ULK4: variants seen among roughly 807,000 people sequenced by gnomAD.
The protein encoded by ULK4 is inactive serine/threonine-protein kinase ULK4.
In ULK4, 133 loss-of-function variants were observed where a neutral mutation model predicts 160.6. That is an observed-to-expected ratio of 0.83 (90% CI 0.72 to 0.96). ULK4 has a LOEUF of 0.96. Ranked by LOEUF, ULK4 falls within the 40% of genes least tolerant of loss-of-function variation. The probability of loss-of-function intolerance (pLI) is 0.00; values close to 1 mark genes in which losing one functional copy is unlikely to be tolerated. For synonymous variants in ULK4, 534 were observed against 539.8 expected (o/e 0.99, Z 0.15); for missense variants, 1,580 against 1,499.5 (o/e 1.05, Z -0.89).
chr3:41,378,612 T>C (rs2081570949), intron 35 of ULK4, among the ~76,000 whole-genome samples: 1 of 149,510 alleles, frequency 6.7e-6, no homozygotes, highest in Non-Finnish European at 1.5e-5. Flanking sequence ...AAGGTGAACA[T>C]CATATACCGG....
chr3:41,273,244 T>C (rs991107354), intron 35 of ULK4, among the ~76,000 whole-genome samples: 2 of 152,210 alleles, frequency 1.3e-5, no homozygotes, highest in Non-Finnish European at 2.9e-5. Flanking sequence ...TCTGATTTTC[T>C]AGGCAAGTCT....
At chr3:41,716,216 AAATAATAATAAT>A (rs61340837) in intron 23 of ULK4, among the ~76,000 whole-genome samples, 4,867 of 139,232 alleles carry the variant, frequency 0.035, 266 homozygotes, top group African/African-American at 0.12. Flanking sequence ...CTGTCTCACA[AAATAATAATAAT>A]AATAATAATA....
chr3:41,616,670 A>G (rs2032983934), intron 30 of ULK4, among the ~76,000 whole-genome samples: 1 of 152,150 alleles, frequency 6.6e-6, no homozygotes, highest in Non-Finnish European at 1.5e-5. Flanking sequence ...TATGCCACCA[A>G]GGTCCTGGGT....
intron 12 of ULK4, among the ~76,000 whole-genome samples, chr3:41,905,478 C>T (rs1034178164): frequency 3.3e-5 from 5 of 151,422 alleles, no homozygotes; most frequent in African/African-American, 9.7e-5. Context: ...AAAACACAAA[C>T]GAAAAAAGAT....
At position 41,938,071 on chromosome 3, in the gene ULK4, T is replaced by C. The variant is rs373088599; in HGVS notation, c.238+27A>G. 1.3e-5 allele frequency: 20 copies of C among 1,538,772 alleles called. No individual in the cohort carries two copies. The African/African-American group carries it at 1.9e-4, about 15-fold the overall frequency. ...ATGTTTTTTTTCAATACTATATTCA[T>C]AGCACTTTTTACATACTCTTTCTTA... On this transcript the variant is annotated intron_variant, in intron 3 of 36. Coordinates refer to ENST00000301831, the MANE Select transcript of ULK4 (RefSeq NM_017886.4).
intron 4 of ULK4, among the ~76,000 whole-genome samples, chr3:41,933,179 T>G (rs994646534): frequency 2.0e-5 from 3 of 152,232 alleles, no homozygotes; most frequent in Non-Finnish European, 4.4e-5. Flanking sequence ...GAAGACTTGT[T>G]AAAGCACAGA....
At chr3:41,703,110 T>A (rs2036740146) in intron 27 of ULK4, among the ~76,000 whole-genome samples, 2 of 152,118 alleles carry the variant, frequency 1.3e-5, no homozygotes, top group Non-Finnish European at 2.9e-5. Context: ...CGCCTCAGCC[T>A]CCCAAAGTGC....
chr3:41,362,603 T>A (rs1258154015), intron 35 of ULK4, among the ~76,000 whole-genome samples: 1 of 152,234 alleles, frequency 6.6e-6, no homozygotes. Flanking sequence ...TCAGATTTTA[T>A]AACTCTAAAA....
chr3:41,306,963 G>C (rs1286413885), intron 35 of ULK4, among the ~76,000 whole-genome samples: 3 of 150,742 alleles, frequency 2.0e-5, no homozygotes, highest in Admixed American at 6.6e-5. Flanking sequence ...CTCGTTAAGA[G>C]TCATCACCAC....
chr3:41,779,127 C>G (rs2039729513), intron 21 of ULK4, among the ~76,000 whole-genome samples: 1 of 27,424 alleles, frequency 3.6e-5, no homozygotes, highest in Non-Finnish European at 5.5e-5. Flanking sequence ...TGAACTCAAA[C>G]AAATTTACAA....
intron 35 of ULK4, among the ~76,000 whole-genome samples, chr3:41,332,218 A>C (rs1282705822): frequency 6.6e-6 from 1 of 151,932 alleles, no homozygotes; most frequent in African/African-American, 2.4e-5. Flanking sequence ...AAAAAAAAAA[A>C]CAAAAAACAA....
At chr3:41,317,485 A>G (rs1222277635) in intron 35 of ULK4, among the ~76,000 whole-genome samples, 2 of 150,320 alleles carry the variant, frequency 1.3e-5, no homozygotes, top group African/African-American at 5.0e-5. Flanking sequence ...TGATAATGAT[A>G]TTATTGATAA....
intron 18 of ULK4, among the ~76,000 whole-genome samples, chr3:41,835,106 A>T (rs945152773): frequency 1.3e-5 from 2 of 152,086 alleles, no homozygotes; most frequent in African/African-American, 4.8e-5. Flanking sequence ...GCTACCCAGG[A>T]GGCTGAGGTG....
rs1698956261 is a variant in ULK4 at position 41,916,040 on chromosome 3, G to A, written c.740C>T (p.Pro247Leu). Residue 247 changes from proline (P) to leucine (L), a missense_variant, in exon 8 of 37, where the codon CCT (proline) becomes CTT (leucine). By Grantham distance (98) the Pro-to-Leu change is moderately conservative (BLOSUM62 -3). Transcript: ENST00000301831. ...LPPIPKDSSR[P>L]KASSDFINLL... ...ATTAATAAAATCTGAAGAAGCTTTA[G>A]GACGAGAAGAATCTATAAATGAATT... 3.2e-6 allele frequency: 5 copies of A among 1,582,318 alleles called. No homozygotes were observed. The African/African-American group carries it at 4.1e-5, about 13-fold the overall frequency.
intron 29 of ULK4, among the ~76,000 whole-genome samples, chr3:41,668,427 G>A (rs1480446752): frequency 6.6e-6 from 1 of 152,124 alleles, no homozygotes; most frequent in Non-Finnish European, 1.5e-5. Flanking sequence ...TTCTGTGTTT[G>A]GATACATAAA....
intron 12 of ULK4, among the ~76,000 whole-genome samples, chr3:41,901,931 CTAGT>C (rs1698381970): frequency 6.6e-6 from 1 of 152,088 alleles, no homozygotes; most frequent in East Asian, 1.9e-4. Flanking sequence ...TTTATTAAGC[CTAGT>C]TAGAGTTGAT....
intron 27 of ULK4, among the ~76,000 whole-genome samples, chr3:41,697,278 A>G (rs765135477): frequency 8.5e-5 from 13 of 152,180 alleles, no homozygotes; most frequent in Non-Finnish European, 1.8e-4. Context: ...ACGGTCCCTT[A>G]AGATTATGAT....
At chr3:41,783,248 G>T (rs115335293) in intron 21 of ULK4, among the ~76,000 whole-genome samples, 1 of 151,880 alleles carries the variant, frequency 6.6e-6, no homozygotes, top group Admixed American at 6.6e-5. Context: ...AAATAGAGAC[G>T]GAGTCTTAGC....
chr3:41,281,388 T>A (rs1032157491), intron 35 of ULK4, among the ~76,000 whole-genome samples: 9 of 152,156 alleles, frequency 5.9e-5, no homozygotes, highest in African/African-American at 1.7e-4. Context: ...TGAACATCAA[T>A]GTGAAAATCC....
Sources: gnomAD v4.1 joint callset for allele counts (sites outside exome capture counted in the v4.1 genomes callset) on GRCh38, gnomAD v4.1.1 for gene constraint, MANE v1.5 for transcripts, NCBI Gene and HGNC (gene_info 2026-07-23, HGNC 2026-07-21) for gene names.